Variants in SVEP1 observed in about 807,000 individuals in gnomAD.
SVEP1 encodes sushi, von Willebrand factor type A, EGF and pentraxin domain-containing protein 1.
Under a neutral mutation model 367.3 loss-of-function variants are expected in SVEP1, and 164 were observed. The ratio of observed to expected loss-of-function variants is 0.45; its 90% CI spans 0.39 to 0.51. SVEP1 has a LOEUF of 0.51. Ranked by LOEUF, SVEP1 falls within the 20% of genes least tolerant of loss-of-function variation. The pLI is 0.00. For missense variants in SVEP1, 4,117 were observed against 4,425.3 expected, an observed-to-expected ratio of 0.93 and a Z score of 1.98; for synonymous variants, 1,666 against 1,611.6, an observed-to-expected ratio of 1.03 and a Z score of -0.81.
intron 6 of SVEP1, 112 bp downstream of exon 6, chr9:110,502,926 G>T: frequency 8.8e-7 from 1 of 1,139,332 alleles, no homozygotes; most frequent in Non-Finnish European, 1.2e-6. Context: ...ATGTGGATAT[G>T]TATTTATACT....
chr9:110,568,884 G>A (rs1015132116), intron 1 of SVEP1, among the ~76,000 whole-genome samples: 1 of 152,160 alleles, frequency 6.6e-6, no homozygotes, highest in African/African-American at 2.4e-5. Flanking sequence ...AGGATCGCTT[G>A]AGCCCAGGAG....
chr9:110,427,904 A>G, intron 35 of SVEP1, 146 bp from the exon 36 acceptor site: 1 of 962,778 alleles, frequency 1.0e-6, no homozygotes, highest in Non-Finnish European at 1.5e-6. Context: ...ATTGCTTTAT[A>G]TGAAAGCAAG....
rs376299052 is a variant in SVEP1, at chr9:110,407,058, C to T, written c.8542G>A (p.Glu2848Lys). The T allele has an allele frequency of 5.2e-5, 84 of 1,613,806 alleles. No individual in the cohort carries two copies. The African/African-American group carries it at 5.9e-4, about 11-fold the overall frequency. ...TCAATCTCTTTTTGGAATGTGTACT[C>T]GTCTCCTCTCACCTGGCCATTGGCT... ...VSANGQVRGDEYTFQKEIEYT... is the reference protein window; with the variant it reads ...VSANGQVRGDKYTFQKEIEYT... Residue 2848 changes from glutamate (E) to lysine (K), a missense_variant, in exon 38 of 48, where the codon GAG becomes AAG. Physicochemically the swap from Glu to Lys is moderately conservative, Grantham distance 56. Coordinates refer to ENST00000374469, the MANE Select transcript of SVEP1 (RefSeq NM_153366.4).
chr9:110,439,043 G>T (rs1828474034), intron 27 of SVEP1, among the ~76,000 whole-genome samples: 2 of 152,134 alleles, frequency 1.3e-5, no homozygotes, highest in South Asian at 4.2e-4. Context: ...AATAAACTTG[G>T]TCACTCAAAC....
intron 3 of SVEP1, among the ~76,000 whole-genome samples, chr9:110,540,448 AAAC>A (rs531658097): frequency 3.7e-4 from 56 of 152,246 alleles, no homozygotes; most frequent in Non-Finnish European, 6.5e-4. Flanking sequence ...TTTTTTAAAA[AAAC>A]AACAACAACA....
At chr9:110,384,135 G>C (rs1046034358) in intron 43 of SVEP1, among the ~76,000 whole-genome samples, 1 of 152,168 alleles carries the variant, frequency 6.6e-6, no homozygotes, top group African/African-American at 2.4e-5. Flanking sequence ...ACACAGCTCT[G>C]TGCTTGGGAC....
At chr9:110,527,253 T>C (rs1829950616) in intron 3 of SVEP1, among the ~76,000 whole-genome samples, 1 of 152,022 alleles carries the variant, frequency 6.6e-6, no homozygotes, top group Non-Finnish European at 1.5e-5. Context: ...CTTCTTAAAA[T>C]TGCATGTGAC....
chr9:110,545,482 G>T (rs1830208513), intron 3 of SVEP1, among the ~76,000 whole-genome samples: 1 of 152,090 alleles, frequency 6.6e-6, no homozygotes, highest in African/African-American at 2.4e-5. Flanking sequence ...CGAAGTGATG[G>T]CAGTTTTAGA....
At chr9:110,418,770 G>A (rs1266869245) in intron 36 of SVEP1, among the ~76,000 whole-genome samples, 4 of 92,032 alleles carry the variant, frequency 4.3e-5, no homozygotes, top group Admixed American at 1.2e-4. Context: ...CGGATCTCTC[G>A]GCAGAAACCC....
chr9:110,406,160 C>A lies in SVEP1; in HGVS notation c.9440G>T (p.Arg3147Ile). 6.4e-7 allele frequency: 1 copy of A among 1,556,480 alleles called. No individual in the cohort carries two copies. Among genetic ancestry groups the A allele is most frequent in the Non-Finnish European group, 8.7e-7 (1 of 1,152,700 alleles). Residue 3147 changes from arginine to isoleucine, a missense_variant and splice_region_variant, in exon 38 of 48, where the codon AGA (arginine) becomes ATA (isoleucine). By Grantham distance (97) the Arg-to-Ile change is moderately conservative. Coordinates refer to ENST00000374469, the MANE Select transcript of SVEP1 (RefSeq NM_153366.4). ...GGAGACCCTAGAGCCATGATCTTAC[C>A]TGAGTTTCACTTCACTTTCATAGGT... is the stretch of plus-strand genomic sequence containing the variant. ...AHTYESEVKL[R>I]CLEGYTMDTD...
At chr9:110,428,126 G>A (rs1407006552) in intron 35 of SVEP1, among the ~76,000 whole-genome samples, 3 of 152,138 alleles carry the variant, frequency 2.0e-5, no homozygotes, top group Non-Finnish European at 2.9e-5. Context: ...CACCTAAGTA[G>A]CCAGGAAATC....
At position 110,479,870 on chromosome 9, in the gene SVEP1, G is replaced by T. The variant is rs1172191974; in HGVS notation, c.2366-114C>A. 4.9e-6 allele frequency: 7 copies of T among 1,433,144 alleles called. No individual in the cohort carries two copies. In the Admixed American group the frequency reaches 1.4e-4, roughly 28 times the overall value. The allele number at this position is 1,433,144 out of a possible 1,614,324, so 88.8% of individuals were successfully genotyped here. ...TAATTCTAACATAATTTGTGGGATTGTTATAAAAACAAGAGATGACAGTTA... is the reference window on the plus strand; with the variant it reads ...TAATTCTAACATAATTTGTGGGATTTTTATAAAAACAAGAGATGACAGTTA... On this transcript the variant is annotated intron_variant, in intron 12 of 47. Coordinates refer to ENST00000374469, the MANE Select transcript of SVEP1 (RefSeq NM_153366.4).
chr9:110,530,242 G>C (rs1047950062), intron 3 of SVEP1, among the ~76,000 whole-genome samples: 4 of 152,174 alleles, frequency 2.6e-5, no homozygotes, highest in Non-Finnish European at 5.9e-5. Context: ...TTGATGCGCA[G>C]TTGGATTTGA....
Position 110,411,427 on chromosome 9 carries a change from T to A in SVEP1, c.6284A>T (p.Glu2095Val), listed in dbSNP as rs1268920493. The A allele has an allele frequency of 9.3e-6, 15 of 1,614,018 alleles. No individual in the cohort carries two copies. The South Asian group carries it at 1.5e-4, about 17-fold the overall frequency. ...TGCAAATTTTGCTTTGCTCACAGATTCCAAGATGCTATAGGAAACCGATGG... is the reference window on the plus strand; with the variant it reads ...TGCAAATTTTGCTTTGCTCACAGATACCAAGATGCTATAGGAAACCGATGG... ...KPPSVSYSIL[E>V]SVSKAKFAAG... The change falls in exon 37 of 48, where the codon GAA (glutamate) becomes GTA (valine). Residue 2095 changes from glutamate (E) to valine (V), a missense_variant. Coordinates refer to ENST00000374469, the MANE Select transcript of SVEP1 (RefSeq NM_153366.4).
At chr9:110,568,985 G>A (rs528942806) in intron 1 of SVEP1, among the ~76,000 whole-genome samples, 1 of 149,380 alleles carries the variant, frequency 6.7e-6, no homozygotes, top group South Asian at 2.1e-4. Context: ...TGTAGTCCCT[G>A]CTACTTAGGA....
At chr9:110,568,364 G>A (rs1830515746) in intron 1 of SVEP1, among the ~76,000 whole-genome samples, 2 of 152,214 alleles carry the variant, frequency 1.3e-5, no homozygotes, top group Non-Finnish European at 2.9e-5. Context: ...CACACAGAGT[G>A]TGCGATGAAC....
chr9:110,529,311 C>T (rs1415572460), intron 3 of SVEP1, among the ~76,000 whole-genome samples: 2 of 151,984 alleles, frequency 1.3e-5, no homozygotes, highest in Non-Finnish European at 1.5e-5. Context: ...TAATGTGATG[C>T]CTCTATATTT....
chr9:110,482,891 TGG>T (rs1829216145), intron 10 of SVEP1, among the ~76,000 whole-genome samples: 1 of 152,202 alleles, frequency 6.6e-6, no homozygotes, highest in South Asian at 2.1e-4. Flanking sequence ...GCAAATCAGT[TGG>T]GCATTCCATG....
intron 1 of SVEP1, among the ~76,000 whole-genome samples, chr9:110,553,778 C>T (rs1830320357): frequency 1.3e-5 from 2 of 152,108 alleles, no homozygotes; most frequent in African/African-American, 2.4e-5. Flanking sequence ...ACAAATGATA[C>T]GCGCTTAATA....
Sources: gnomAD v4.1 joint callset for allele counts (sites outside exome capture counted in the v4.1 genomes callset) on GRCh38, gnomAD v4.1.1 for gene constraint, MANE v1.5 for transcripts, NCBI Gene and HGNC (gene_info 2026-07-23, HGNC 2026-07-21) for gene names.